DMKN: variants seen among roughly 807,000 people sequenced by gnomAD.
DMKN encodes the protein epidermis-specific secreted protein SK30/SK89.
DMKN carries 58 observed loss-of-function variants against 67.6 expected under a neutral mutation model. The ratio of observed to expected loss-of-function variants is 0.86; its 90% CI spans 0.69 to 1.07. DMKN has a LOEUF of 1.07. DMKN is among the 50% of genes least tolerant of loss of function. The probability of loss-of-function intolerance (pLI) is 0.00; values close to 1 mark genes in which losing one functional copy is unlikely to be tolerated. For missense variants in DMKN, 596 were observed against 601.5 expected (o/e 0.99, Z 0.10); for synonymous variants, 240 against 232.3 (o/e 1.03, Z -0.30).
chr19:35,512,934 G>T, intron 1 of DMKN, 116 bp downstream of exon 1: 2 of 1,524,612 alleles, frequency 1.3e-6, no homozygotes, highest in South Asian at 2.5e-5. Flanking sequence ...ATAGAAGGAA[G>T]CTGCCCCAGA....
At chr19:35,509,642 T>C (rs578186115) in intron 7 of DMKN, 7 of 443,360 alleles carry the variant, frequency 1.6e-5, no homozygotes, top group South Asian at 1.1e-4. Flanking sequence ...TTTAAGACAA[T>C]TGTGCTTCTA....
At chr19:35,511,969 C>T (rs1431196037) in intron 3 of DMKN, among the ~76,000 whole-genome samples, 156 bp from the exon 4 acceptor site, 4 of 151,626 alleles carry the variant, frequency 2.6e-5, no homozygotes, top group African/African-American at 9.7e-5. Context: ...GCCTCCTCCC[C>T]AGGCCCAGGC....
At chr19:35,507,362 CAAG>C (rs2069769710) in intron 7 of DMKN, 2 of 1,273,388 alleles carry the variant, frequency 1.6e-6, no homozygotes, top group East Asian at 2.6e-5. Context: ...GAGCAGCTTG[CAAG>C]AAGAAACTGA....
At position 35,511,505 on chromosome 19, in the gene DMKN, C is replaced by T. The variant is rs1456009892; in HGVS notation, c.824G>A (p.Gly275Asp). The T allele has an allele frequency of 9.1e-6, 10 of 1,103,194 alleles. No individual in the cohort carries two copies. The highest frequency in any genetic ancestry group is 3.2e-4 in the Middle Eastern group (1 of 3,138). The allele number at this position is 1,103,194 out of a possible 1,614,324, so 68.3% of individuals were successfully genotyped here. A position where few individuals can be genotyped will look rare whatever the true frequency, so the allele number is the denominator to read the frequency against. The change falls in exon 5 of 16, where the codon GGC becomes GAC. Residue 275 changes from glycine (G) to aspartate (D), a missense_variant. Physicochemically the swap from Gly to Asp is moderately conservative, Grantham distance 94. Transcript: ENST00000339686. The stretch of plus-strand genomic sequence containing the variant: ...GCCACTGCTGCCGCCACTGCTGCTG[C>T]CACTGCTGCTGCCACCACTGCTGCT... ...NGSSSGGSSS[G>D]SSSGGSSGGS... is the part of the protein sequence containing the mutation.
intron 11 of DMKN, chr19:35,501,675 C>A: frequency 3.8e-6 from 3 of 786,322 alleles, no homozygotes; most frequent in Non-Finnish European, 5.7e-6. Context: ...GGTCTTCAGA[C>A]CCTCAGCAGC....
At chr19:35,500,243 GCCT>G (rs2068125287) in intron 12 of DMKN, 4 of 1,330,604 alleles carry the variant, frequency 3.0e-6, no homozygotes, top group African/African-American at 1.5e-5. Context: ...AATGGCCGCC[GCCT>G]CCTCCTCCTA....
chr19:35,501,910 G>A (rs1417360055), intron 11 of DMKN: 3 of 1,574,208 alleles, frequency 1.9e-6, no homozygotes, highest in South Asian at 1.2e-5. Context: ...TCATGTGCTT[G>A]TGGAGGCCCC....
In DMKN at chr19:35,502,891, G is replaced by T; in HGVS notation, c.1135-5C>A. On this transcript the variant is annotated splice_polypyrimidine_tract_variant and splice_region_variant and intron_variant, in intron 9 of 15. Transcript: ENST00000339686. ...GCTGGGGGGCGGGACCTGGTTCTGT[G>T]GATGAAAGGCGGGGAGCAGGTTAGC... 1.2e-6 allele frequency: 2 copies of T among 1,613,792 alleles called. No individual in the cohort carries two copies. Among genetic ancestry groups the T allele is most frequent in the Non-Finnish European group, 1.7e-6 (2 of 1,179,850 alleles).
At chr19:35,512,555 G>A in intron 2 of DMKN, 35 bp downstream of exon 2, 1 of 1,614,020 alleles carries the variant, frequency 6.2e-7, no homozygotes, top group South Asian at 1.1e-5. Flanking sequence ...TGGAGGGAGG[G>A]AGGTGGCAGG....
chr19:35,512,888 G>T, intron 1 of DMKN, 98 bp from the exon 2 acceptor site: 1 of 1,516,616 alleles, frequency 6.6e-7, no homozygotes, highest in Non-Finnish European at 8.8e-7. Context: ...GAGACAGGCA[G>T]AGGGACTCCA....
intron 1 of DMKN, 29 bp from the exon 2 acceptor site, chr19:35,512,819 G>A (rs7254211): frequency 0.13 from 210,417 of 1,603,408 alleles, 17,775 homozygotes; most frequent in East Asian, 0.34. Flanking sequence ...TGCACTTAGT[G>A]GGACCATCTC....
intron 5 of DMKN, chr19:35,510,503 G>A (rs2070559090): frequency 9.7e-6 from 15 of 1,548,702 alleles, no homozygotes; most frequent in Middle Eastern, 3.5e-4. Context: ...GCCCACCGCA[G>A]GCCGGGGGTG....
rs1458578970 is a variant in DMKN at position 35,510,242 on chromosome 19, G to C, written c.929C>G (p.Thr310Ser). The C allele has an allele frequency of 6.2e-7, 1 of 1,605,560 alleles. No individual in the cohort carries two copies. The highest frequency in any genetic ancestry group is 8.5e-7 in the Non-Finnish European group (1 of 1,176,102). ...SGSESSWGSS[T>S]GSSSGNHGGS... is the part of the protein sequence containing the mutation. ...ACCGTGGTTGCCGGAGGAGGAGCCG[G>C]TGCTGGATCCCTGCAGGGGAAAGCA... The change falls in exon 6 of 16, where the codon ACC (threonine) becomes AGC (serine). Residue 310 changes from threonine to serine, a missense_variant. By Grantham distance (58) the Thr-to-Ser change is moderately conservative (BLOSUM62 1). Transcript: ENST00000339686.
chr19:35,503,312 A>G, intron 9 of DMKN: 1 of 1,531,246 alleles, frequency 6.5e-7, no homozygotes, highest in African/African-American at 1.4e-5. Flanking sequence ...AGTGTGGGGC[A>G]GCTAAGGTTT....
Position 35,499,905 on chromosome 19 carries a change from C to G in DMKN, c.1359+53G>C. On this transcript the variant is annotated intron_variant, in intron 13 of 15. Coordinates refer to ENST00000339686, the MANE Select transcript of DMKN (RefSeq NM_033317.5). Reference sequence around the variant, plus strand: ...ACCCCGGCAGTGAAAGCCTCTCTCCCCATCCCTCATGCAGAGCCCCCAGCG... The same window carrying G: ...ACCCCGGCAGTGAAAGCCTCTCTCCGCATCCCTCATGCAGAGCCCCCAGCG... The G allele has an allele frequency of 1.9e-6, 3 of 1,596,792 alleles. No individual in the cohort carries two copies. In the South Asian group the frequency reaches 3.3e-5, roughly 18 times the overall value.
chr19:35,498,907 G>T lies in DMKN; in HGVS notation c.1360-10C>A, dbSNP rs1204254024. ...AAGGTGAGACTCCCCCCTGCAAAAAGATCAAAGGAAAGTGATGTGGGGTCA... is the reference window on the plus strand; with the variant it reads ...AAGGTGAGACTCCCCCCTGCAAAAATATCAAAGGAAAGTGATGTGGGGTCA... On this transcript the variant is annotated splice_polypyrimidine_tract_variant and intron_variant, in intron 13 of 15. Coordinates refer to ENST00000339686, the MANE Select transcript of DMKN (RefSeq NM_033317.5). 4 of 1,614,042 alleles carry T rather than the reference G, an allele frequency of 2.5e-6. No homozygotes were observed. The highest frequency in any genetic ancestry group is 3.4e-6 in the Non-Finnish European group (4 of 1,180,026).
intron 9 of DMKN, among the ~76,000 whole-genome samples, chr19:35,505,105 G>C (rs1024775157): frequency 1.3e-5 from 2 of 151,378 alleles, no homozygotes; most frequent in Admixed American, 6.6e-5. Context: ...GTGTCTGCAT[G>C]GGTTGTCCAC....
At chr19:35,503,260 C>T in intron 9 of DMKN, 1 of 1,472,472 alleles carries the variant, frequency 6.8e-7, no homozygotes, top group Non-Finnish European at 9.0e-7. Flanking sequence ...TCCACACCAC[C>T]CTGGATAACA....
chr19:35,506,182 G>C, intron 7 of DMKN, 196 bp from the exon 8 acceptor site: 1 of 1,518,324 alleles, frequency 6.6e-7, no homozygotes, highest in Middle Eastern at 1.8e-4. Flanking sequence ...CTCGACCCTT[G>C]CCCCTGGGTG....
Sources: allele counts gnomAD v4.1 joint callset (sites outside exome capture counted in the v4.1 genomes callset), GRCh38; gene constraint gnomAD v4.1.1; transcripts MANE v1.5; gene names NCBI Gene and HGNC (gene_info 2026-07-23, HGNC 2026-07-21).